Variants in RALYL observed in about 807,000 individuals in gnomAD.
RALYL encodes RALY RNA binding protein like.
A neutral mutation model predicts 35.1 loss-of-function variants in RALYL; 29 were observed. The ratio of observed to expected loss-of-function variants is 0.83; its 90% CI spans 0.61 to 1.13. RALYL has a LOEUF of 1.13. Among genes scored for constraint, RALYL ranks in the 50% most tolerant of loss-of-function variants. The pLI is 0.00. For missense variants in RALYL, 359 were observed against 360.4 expected (o/e 1.00, Z 0.03); for synonymous variants, 120 against 127.6 (o/e 0.94, Z 0.40).
chr8:84,789,089 G>A (rs1820208886), intron 3 of RALYL, among the ~76,000 whole-genome samples: 1 of 152,198 alleles, frequency 6.6e-6, no homozygotes, highest in Non-Finnish European at 1.5e-5. Flanking sequence ...TGTAGCCTTA[G>A]TATGCAGAGC....
rs982160322 is a variant in RALYL, at chr8:84,349,369, C to T, written c.-24+164945C>T. 2.7e-5 allele frequency among the ~76,000 whole-genome samples: 4 copies of T among 150,252 alleles called. No homozygotes were observed. In the South Asian group the frequency reaches 8.3e-4, roughly 31 times the overall value. On this transcript the variant is annotated intron_variant, in intron 1 of 8. Coordinates refer to ENST00000521268, the MANE Select transcript of RALYL (RefSeq NM_173848.7). ...CATGAGTACTTCACGTAGATTATAC[C>T]CAGTTCTCACAGGAACATTAGGTAT...
chr8:84,774,790 G>A, intron 3 of RALYL, 136 bp downstream of exon 3: 1 of 644,198 alleles, frequency 1.6e-6, no homozygotes, highest in Non-Finnish European at 2.7e-6. Context: ...AATGTTGTTG[G>A]TCAACATATA....
chr8:84,559,973 G>GTT (rs572363653), intron 2 of RALYL, among the ~76,000 whole-genome samples: 8 of 141,578 alleles, frequency 5.7e-5, no homozygotes, highest in Admixed American at 1.4e-4. Context: ...AATATATTAG[G>GTT]TTTTTTTTTT....
intron 1 of RALYL, among the ~76,000 whole-genome samples, chr8:84,364,549 T>G (rs1853794357): frequency 1.3e-5 from 2 of 152,012 alleles, no homozygotes; most frequent in Admixed American, 1.3e-4. Flanking sequence ...ATATAAAAAG[T>G]TTAATAACAT....
chr8:84,689,490 G>A (rs1407058674), intron 2 of RALYL, among the ~76,000 whole-genome samples: 4 of 152,206 alleles, frequency 2.6e-5, no homozygotes, highest in South Asian at 4.2e-4. Flanking sequence ...TTGGACATTT[G>A]GCTTGGTTCC....
chr8:84,470,696 T>A (rs1371830342), intron 1 of RALYL, among the ~76,000 whole-genome samples: 2 of 152,194 alleles, frequency 1.3e-5, no homozygotes, highest in Non-Finnish European at 2.9e-5. Flanking sequence ...GCTCTTATGA[T>A]ATGCCAGCAG....
chr8:84,412,011 G>T (rs73304362), intron 1 of RALYL, among the ~76,000 whole-genome samples: 4,487 of 151,936 alleles, frequency 0.03, 218 homozygotes, highest in African/African-American at 0.1. Context: ...CACAAAATGC[G>T]TAGAACTGCC....
At chr8:84,640,477 A>G (rs1382741996) in intron 2 of RALYL, among the ~76,000 whole-genome samples, 4 of 152,056 alleles carry the variant, frequency 2.6e-5, no homozygotes, top group Non-Finnish European at 4.4e-5. Flanking sequence ...GATTATGAGT[A>G]TAGCAGGGGA....
At chr8:84,755,880 A>C (rs1204362991) in intron 2 of RALYL, among the ~76,000 whole-genome samples, 3 of 152,064 alleles carry the variant, frequency 2.0e-5, no homozygotes, top group Non-Finnish European at 4.4e-5. Context: ...TTGTAAAAAA[A>C]AAAAAAATCC....
chr8:84,469,863 C>T (rs1405544098), intron 1 of RALYL, among the ~76,000 whole-genome samples: 13 of 152,150 alleles, frequency 8.5e-5, no homozygotes, highest in Admixed American at 7.2e-4. Flanking sequence ...TTAAGCCCGT[C>T]GGAAAAGCGC....
At chr8:84,408,572 T>C (rs983632534) in intron 1 of RALYL, among the ~76,000 whole-genome samples, 1 of 152,178 alleles carries the variant, frequency 6.6e-6, no homozygotes, top group Admixed American at 6.5e-5. Context: ...ATGGGGTGGA[T>C]GAATAAGTGT....
At chr8:84,713,053 C>T (rs1842435708) in intron 2 of RALYL, among the ~76,000 whole-genome samples, 1 of 152,020 alleles carries the variant, frequency 6.6e-6, no homozygotes, top group Non-Finnish European at 1.5e-5. Flanking sequence ...TGTCAAGAAG[C>T]TTTTCTTCTA....
intron 4 of RALYL, among the ~76,000 whole-genome samples, chr8:84,819,660 C>T (rs1424584707): frequency 2.0e-5 from 3 of 152,104 alleles, no homozygotes. Flanking sequence ...CTGATTGTGC[C>T]TGAAATGGCT....
intron 2 of RALYL, among the ~76,000 whole-genome samples, chr8:84,654,310 T>TATATATATATATATATATATAC (rs1554766145): frequency 2.6e-4 from 35 of 134,724 alleles, no homozygotes; most frequent in African/African-American, 9.1e-4. Context: ...TATATATATA[T>TATATATATATATATATATATAC]ATATCATGTA....
At chr8:84,418,796 A>G (rs2045059848) in intron 1 of RALYL, among the ~76,000 whole-genome samples, 1 of 152,150 alleles carries the variant, frequency 6.6e-6, no homozygotes, top group South Asian at 2.1e-4. Flanking sequence ...CAGTTGATTC[A>G]CTGTTTGTCT....
intron 1 of RALYL, among the ~76,000 whole-genome samples, chr8:84,340,297 A>G (rs1298435342): frequency 1.3e-5 from 2 of 152,128 alleles, no homozygotes; most frequent in Non-Finnish European, 2.9e-5. Context: ...TAGTAAGAAC[A>G]CAGTGTAAGA....
intron 1 of RALYL, among the ~76,000 whole-genome samples, chr8:84,354,384 T>C (rs1851453784): frequency 6.6e-6 from 1 of 150,376 alleles, no homozygotes. Flanking sequence ...TTTTACTGGA[T>C]GCTTTTGGTG....
At chr8:84,647,133 C>T (rs187505143) in intron 2 of RALYL, among the ~76,000 whole-genome samples, 137 of 152,052 alleles carry the variant, frequency 9.0e-4, no homozygotes, top group African/African-American at 3.1e-3. Flanking sequence ...CCTTGTTCTC[C>T]AAGCCTATAG....
At chr8:84,405,215 G>A (rs915993161) in intron 1 of RALYL, among the ~76,000 whole-genome samples, 4 of 152,162 alleles carry the variant, frequency 2.6e-5, no homozygotes, top group Non-Finnish European at 4.4e-5. Context: ...AGCTAAAGCA[G>A]TGTTTAGAGG....
Sources: allele counts gnomAD v4.1 joint callset (sites outside exome capture counted in the v4.1 genomes callset), GRCh38; gene constraint gnomAD v4.1.1; transcripts MANE v1.5; gene names NCBI Gene and HGNC (gene_info 2026-07-23, HGNC 2026-07-21).